CCDC60: variants seen among roughly 807,000 people sequenced by gnomAD.
CCDC60 encodes the protein coiled-coil domain-containing protein 60.
CCDC60 carries 54 observed loss-of-function variants against 63.5 expected under a neutral mutation model. The ratio of observed to expected loss-of-function variants is 0.85; its 90% CI spans 0.68 to 1.07. The LOEUF (loss-of-function observed/expected upper bound fraction) is 1.07, where lower values mean the gene tolerates loss of function less well. CCDC60 is among the 50% of genes least tolerant of loss of function. CCDC60 has a pLI of 0.00. For missense variants in CCDC60, 651 were observed against 684.3 expected, an observed-to-expected ratio of 0.95 and a Z score of 0.54; for synonymous variants, 206 against 238.8, an observed-to-expected ratio of 0.86 and a Z score of 1.27.
intron 1 of CCDC60, among the ~76,000 whole-genome samples, chr12:119,404,927 C>G (rs1956458968): frequency 6.6e-6 from 1 of 152,190 alleles, no homozygotes; most frequent in Non-Finnish European, 1.5e-5. Context: ...ACCTTTGAGG[C>G]ACTTGGCTCA....
At chr12:119,366,836 TTTG>T (rs1247535878) in intron 1 of CCDC60, among the ~76,000 whole-genome samples, 1 of 151,500 alleles carries the variant, frequency 6.6e-6, no homozygotes, top group Admixed American at 6.6e-5. Flanking sequence ...ACCCTTAGGG[TTTG>T]TTGTTGTTGT....
rs1483533919 is a variant in CCDC60 at position 119,505,227 on chromosome 12, C to G, written c.807C>G (p.Thr269=). The stretch of plus-strand genomic sequence containing the variant: ...CGGATGAGCCCCCAAGTGTGAACAC[C>G]CAGGTGACCAGCAGCAAGGACATTG... The part of the protein sequence containing the change: ...PGSDEPPSVN[T]QVTSSKDIED... The change falls in exon 7 of 14, where the codon ACC becomes ACG. Residue 269 remains threonine, a synonymous_variant. Coordinates refer to ENST00000327554, the MANE Select transcript of CCDC60 (RefSeq NM_178499.5). The G allele has an allele frequency of 1.2e-6, 2 of 1,613,916 alleles. No individual in the cohort carries two copies. The highest frequency in any genetic ancestry group is 2.7e-5 in the African/African-American group (2 of 75,038).
At position 119,410,969 on chromosome 12, in the gene CCDC60, G is replaced by A. The variant is rs1380625361; in HGVS notation, c.91-17714G>A. Among the ~76,000 whole-genome samples the A allele has an allele frequency of 6.6e-6, 1 of 152,140 alleles. No homozygotes were observed. The highest frequency in any genetic ancestry group is 1.5e-5 in the Non-Finnish European group (1 of 68,020). On this transcript the variant is annotated intron_variant, in intron 1 of 13. Transcript: ENST00000327554. This position sits in a 1 kb window ranked among gnomAD's most constrained non-coding sequence, Gnocchi z 4.0. ...GCCATGTTGGCTAGGCTGGCCTCAA[G>A]TGATCCCCACACCTCAGCCTCCCAA...
chr12:119,433,432 A>G, intron 2 of CCDC60: 1 of 702,358 alleles, frequency 1.4e-6, no homozygotes, highest in South Asian at 1.5e-5. Flanking sequence ...AAGGCCAAAC[A>G]GAGAAGCCAC....
chr12:119,379,634 G>T (rs1955988603), intron 1 of CCDC60, among the ~76,000 whole-genome samples: 1 of 152,214 alleles, frequency 6.6e-6, no homozygotes, highest in African/African-American at 2.4e-5. Flanking sequence ...TTGAAAGTAT[G>T]TATGGTGAAA....
intron 2 of CCDC60, among the ~76,000 whole-genome samples, chr12:119,469,469 A>C (rs1342821371): frequency 6.6e-6 from 1 of 152,224 alleles, no homozygotes; most frequent in Non-Finnish European, 1.5e-5. Flanking sequence ...CATGTTGGCC[A>C]GGCTGGTCTC....
At chr12:119,361,009 G>T (rs972453443) in intron 1 of CCDC60, among the ~76,000 whole-genome samples, 1 of 151,942 alleles carries the variant, frequency 6.6e-6, no homozygotes, top group African/African-American at 2.4e-5. Flanking sequence ...GGCGGCGTGC[G>T]CCTGCAATTG....
rs111897313 is a variant in CCDC60, at chr12:119,530,042, A to G, written c.1362-832A>G. On this transcript the variant is annotated intron_variant, in intron 12 of 13. Coordinates refer to ENST00000327554, the MANE Select transcript of CCDC60 (RefSeq NM_178499.5). The stretch of plus-strand genomic sequence containing the variant: ...TTCAAATGATAGTTATTGAGCACCT[A>G]CTATGAGTTAGGCAGTATTCTAGCA... 3.3e-3 allele frequency among the ~76,000 whole-genome samples: 506 copies of G among 152,318 alleles called. 3 individuals carry two copies. Among genetic ancestry groups the G allele is most frequent in the African/African-American group, 0.011 (477 of 41,570 alleles).
intron 2 of CCDC60, among the ~76,000 whole-genome samples, chr12:119,468,109 C>A (rs1000362315): frequency 6.6e-6 from 1 of 151,752 alleles, no homozygotes; most frequent in Non-Finnish European, 1.5e-5. Context: ...CTCGTCTCTA[C>A]TAAAAATAAA....
At chr12:119,428,893 G>A in intron 2 of CCDC60, 131 bp downstream of exon 2, 1 of 613,078 alleles carries the variant, frequency 1.6e-6, no homozygotes. Flanking sequence ...AGACTTACAG[G>A]AGGGTAACCC....
At chr12:119,458,068 C>T (rs1331870623) in intron 2 of CCDC60, among the ~76,000 whole-genome samples, 2 of 152,204 alleles carry the variant, frequency 1.3e-5, no homozygotes, top group Non-Finnish European at 2.9e-5. Flanking sequence ...TTTTTGCCCT[C>T]TCTTCCTCCG....
At chr12:119,446,779 T>C (rs1235424571) in intron 2 of CCDC60, among the ~76,000 whole-genome samples, 2 of 129,672 alleles carry the variant, frequency 1.5e-5, no homozygotes, top group Non-Finnish European at 3.5e-5. Context: ...TTTGTTTTTG[T>C]TTTTTTTTAA....
chr12:119,352,026 T>C (rs1474168235), intron 1 of CCDC60, among the ~76,000 whole-genome samples: 8 of 152,186 alleles, frequency 5.3e-5, no homozygotes, highest in African/African-American at 1.9e-4. Context: ...AGAGGTTTAA[T>C]TGACTCTCAG....
chr12:119,456,240 T>A lies in CCDC60; in HGVS notation c.171-15754T>A, dbSNP rs993205182. On this transcript the variant is annotated intron_variant, in intron 2 of 13. Transcript: ENST00000327554. This position sits in a 1 kb window ranked among gnomAD's most constrained non-coding sequence, Gnocchi z 4.6. ...AGGATTTTGAGCATTAAGATAGGAA[T>A]GATGAGATTTGCCTTTTCAAAAAAG... 1.3e-5 allele frequency among the ~76,000 whole-genome samples: 2 copies of A among 152,086 alleles called. No homozygotes were observed. Among genetic ancestry groups the A allele is most frequent in the Middle Eastern group, 3.4e-3 (1 of 294 alleles).
chr12:119,350,847 G>T (rs7305144), intron 1 of CCDC60, among the ~76,000 whole-genome samples: 7 of 152,108 alleles, frequency 4.6e-5, no homozygotes, highest in Admixed American at 4.6e-4. Context: ...TTATGGGCAG[G>T]ATCCCAGGTT....
intron 2 of CCDC60, among the ~76,000 whole-genome samples, chr12:119,458,436 TA>T (rs1205536283): frequency 1.3e-5 from 2 of 152,130 alleles, no homozygotes; most frequent in African/African-American, 4.8e-5. Context: ...TTTTTATTTT[TA>T]TTTTTTTTTA....
At chr12:119,414,659 TC>T (rs1393602241) in intron 1 of CCDC60, among the ~76,000 whole-genome samples, 9 of 152,280 alleles carry the variant, frequency 5.9e-5, no homozygotes, top group Middle Eastern at 3.4e-3. Context: ...TAAGTGATCC[TC>T]CTGCCTCAGC....
chr12:119,378,582 A>G (rs2136183213), intron 1 of CCDC60, among the ~76,000 whole-genome samples: 1 of 152,278 alleles, frequency 6.6e-6, no homozygotes, highest in Non-Finnish European at 1.5e-5. Flanking sequence ...GGCTCAAGAA[A>G]ATTAGGTAAC....
At chr12:119,425,911 C>T (rs1035048743) in intron 1 of CCDC60, among the ~76,000 whole-genome samples, 8 of 152,204 alleles carry the variant, frequency 5.3e-5, no homozygotes, top group African/African-American at 1.7e-4. Flanking sequence ...CCATGAGCAT[C>T]TCCCAAGATG....
Sources: allele counts gnomAD v4.1 joint callset (sites outside exome capture counted in the v4.1 genomes callset), GRCh38; gene constraint gnomAD v4.1.1; non-coding constraint Gnocchi (gnomAD v3.1); transcripts MANE v1.5; gene names NCBI Gene and HGNC (gene_info 2026-07-23, HGNC 2026-07-21).